PPFIA3: variants seen among roughly 807,000 people sequenced by gnomAD.
The protein encoded by PPFIA3 is PPFI scaffold protein A3, also known as liprin-alpha-3.
A neutral mutation model predicts 145.8 loss-of-function variants in PPFIA3; 26 were observed. The observed-to-expected ratio is 0.18, with a 90% CI of 0.13 to 0.25. The LOEUF is 0.25. Ranked by LOEUF, PPFIA3 falls within the 10% of genes least tolerant of loss-of-function variation. The pLI, the probability that PPFIA3 is intolerant of heterozygous loss-of-function variation, is 1.00. For synonymous variants in PPFIA3, 645 were observed against 661.4 expected, an observed-to-expected ratio of 0.98 and a Z score of 0.38; for missense variants, 1,008 against 1,587.8, an observed-to-expected ratio of 0.63 and a Z score of 6.21.
In PPFIA3 at chr19:49,138,418, C is replaced by T. The variant is rs757682114; in HGVS notation, c.2067C>T (p.Thr689=). Residue 689 remains threonine, a synonymous_variant, in exon 16 of 30, where the codon ACC becomes ACT. Transcript: ENST00000334186. ...CCCCTAGCCCTGCCCGTGAGGGCAC[C>T]GACAAGGCTGTGAGTGCTCTGAAGT... is the stretch of plus-strand genomic sequence containing the variant. ...LAPPSPAREG[T]DKANHVPKEE... 14 of 1,544,102 alleles carry T rather than the reference C, an allele frequency of 9.1e-6. No homozygotes were observed. In the East Asian group the frequency reaches 9.2e-5, roughly 10 times the overall value.
Position 49,130,269 on chromosome 19 carries a change from G to T in PPFIA3, c.658-109G>T, listed in dbSNP as rs2041052292. 2.4e-6 allele frequency: 3 copies of T among 1,244,682 alleles called. No individual in the cohort carries two copies. The South Asian group carries it at 4.5e-5, about 19-fold the overall frequency. The allele number at this position is 1,244,682 out of a possible 1,614,324, so 77.1% of individuals were successfully genotyped here. ...GACCCCCGTGGACTCTGACCAGCAT[G>T]ATCCTTATTGATCTTTGATCTACTT... On this transcript the variant is annotated intron_variant, in intron 6 of 29. Coordinates refer to ENST00000334186, the MANE Select transcript of PPFIA3 (RefSeq NM_003660.4). The surrounding 1 kb of genome is among the most constrained non-coding windows in gnomAD (Gnocchi z 4.5).
At position 49,149,456 on chromosome 19, in the gene PPFIA3, A is replaced by G. The variant is rs577834697; in HGVS notation, c.3355-91A>G. 200 of 1,585,100 alleles carry G rather than the reference A, an allele frequency of 1.3e-4. No individual in the cohort carries two copies. In the Middle Eastern group the frequency reaches 1.3e-3, roughly 11 times the overall value. On this transcript the variant is annotated intron_variant, in intron 27 of 29. Transcript: ENST00000334186. The surrounding 1 kb of genome is among the most constrained non-coding windows in gnomAD (Gnocchi z 5.7). ...CAGGAGAGGGGCGGGGTTAAAGGAG[A>G]GGTGAGACCCGGAGAGGGGTGGAGT...
chr19:49,139,409 A>C (rs192281703), intron 16 of PPFIA3, among the ~76,000 whole-genome samples: 3 of 151,618 alleles, frequency 2.0e-5, no homozygotes, highest in Non-Finnish European at 4.4e-5. Flanking sequence ...GAATCTCTTG[A>C]ACCTGGGAGG....
chr19:49,131,878 C>T (rs1426331672), intron 7 of PPFIA3, among the ~76,000 whole-genome samples: 2 of 151,780 alleles, frequency 1.3e-5, no homozygotes, highest in African/African-American at 4.8e-5. Context: ...GGCGTGATGT[C>T]GGGCGCCCGT....
At chr19:49,131,756 A>G (rs1212534861) in intron 7 of PPFIA3, among the ~76,000 whole-genome samples, 1 of 151,508 alleles carries the variant, frequency 6.6e-6, no homozygotes, top group Non-Finnish European at 1.5e-5. Flanking sequence ...CACGCCTGTA[A>G]TCCCAGCACT....
intron 21 of PPFIA3, chr19:49,145,555 T>G: frequency 3.8e-6 from 1 of 262,002 alleles, no homozygotes; most frequent in Non-Finnish European, 7.5e-6. Flanking sequence ...CTCGTGAGGT[T>G]GTTGGGAGCA....
In PPFIA3 at chr19:49,130,531, G is replaced by T; in HGVS notation, c.811G>T (p.Gly271Cys). 1 of 1,584,722 alleles carries T rather than the reference G, an allele frequency of 6.3e-7. No individual in the cohort carries two copies. Among genetic ancestry groups the T allele is most frequent in the Non-Finnish European group, 8.6e-7 (1 of 1,166,458 alleles). Residue 271 changes from glycine (G) to cysteine (C), a missense_variant, in exon 7 of 30, where the codon GGC becomes TGC. By Grantham distance (159) the Gly-to-Cys change is radical (BLOSUM62 -3). Around this residue, in one of 11 missense-constraint regions of PPFIA3, gnomAD observed 136 missense variants for 160.7 expected, o/e 0.85. Coordinates refer to ENST00000334186, the MANE Select transcript of PPFIA3 (RefSeq NM_003660.4). This position sits in a 1 kb window ranked among gnomAD's most constrained non-coding sequence, Gnocchi z 4.5. ...GATGAGCCAGCTGGAGGAGGAGTTG[G>T]GCACCGCGCACCGTGAGCTGGGCAA... The part of the protein sequence containing the change: ...RQMSQLEEEL[G>C]TAHRELGKAE...
chr19:49,147,960 G>A, intron 23 of PPFIA3, 123 bp from the exon 24 acceptor site: 2 of 966,586 alleles, frequency 2.1e-6, no homozygotes, highest in South Asian at 3.3e-5. Flanking sequence ...AGCAGAGATT[G>A]GTCATTGTCC....
intron 21 of PPFIA3, among the ~76,000 whole-genome samples, chr19:49,144,088 C>T (rs1437515911): frequency 1.3e-5 from 2 of 152,002 alleles, no homozygotes; most frequent in African/African-American, 4.8e-5. Context: ...TCACTGCAAC[C>T]TCTGCCTCCT....
chr19:49,148,945 T>G, intron 25 of PPFIA3, 48 bp from the exon 26 acceptor site: 1 of 1,600,674 alleles, frequency 6.2e-7, no homozygotes, highest in African/African-American at 1.3e-5. Context: ...TAAACTGAAC[T>G]CTCCAGGCCA....
chr19:49,127,852 C>T lies in PPFIA3; in HGVS notation c.-15-7C>T. ...CCGGTCTGTTCCTTGCCCTCCCCGC[C>T]CCGCAGGCCCGCACCGCCGCCATGA... On this transcript the variant is annotated splice_polypyrimidine_tract_variant and splice_region_variant and intron_variant, in intron 1 of 29. Transcript: ENST00000334186. 6.3e-7 allele frequency: 1 copy of T among 1,588,042 alleles called. No homozygotes were observed. The highest frequency in any genetic ancestry group is 8.5e-7 in the Non-Finnish European group (1 of 1,176,800).
rs10416430 is a variant in PPFIA3, at chr19:49,141,588, A to G, written c.2462+75A>G. ...TGTGTGAGGGTGTGTGTGTGCGTGT[A>G]TGTGTGTGTATGAGTGTGTGTGTGT... On this transcript the variant is annotated intron_variant, in intron 19 of 29. Transcript: ENST00000334186. 706 of 1,066,132 alleles carry G rather than the reference A, an allele frequency of 6.6e-4. 4 individuals carry two copies. Among genetic ancestry groups the G allele is most frequent in the African/African-American group, 5.7e-3 (241 of 42,166 alleles). 66.0% of individuals were successfully genotyped at this position (1,066,132 alleles called of 1,614,324 possible). A position where few individuals can be genotyped will look rare whatever the true frequency, so the allele number is the denominator to read the frequency against.
Position 49,149,118 on chromosome 19 carries a change from G to A in PPFIA3, c.3235G>A (p.Asp1079Asn). 1 of 1,614,122 alleles carries A rather than the reference G, an allele frequency of 6.2e-7. No homozygotes were observed. The highest frequency in any genetic ancestry group is 8.5e-7 in the Non-Finnish European group (1 of 1,180,026). The change falls in exon 26 of 30, where the codon GAC (aspartate) becomes AAC (asparagine). Residue 1079 changes from aspartate (D) to asparagine (N), a missense_variant. Around this residue, in one of 11 missense-constraint regions of PPFIA3, gnomAD observed 125 missense variants for 159.3 expected, o/e 0.78. Coordinates refer to ENST00000334186, the MANE Select transcript of PPFIA3 (RefSeq NM_003660.4). The surrounding 1 kb of genome is among the most constrained non-coding windows in gnomAD (Gnocchi z 5.7). ...ACTGCTCGCCCTGGACGAGACCTTC[G>A]ACTACTCCGACCTGGCCTTGCTCCT... is the stretch of plus-strand genomic sequence containing the variant. Reference protein sequence around the residue: ...GALLALDETFDYSDLALLLQI... With the variant: ...GALLALDETFNYSDLALLLQI...
At chr19:49,140,771 C>T (rs984102467) in intron 18 of PPFIA3, among the ~76,000 whole-genome samples, 1 of 150,120 alleles carries the variant, frequency 6.7e-6, no homozygotes, top group Non-Finnish European at 1.5e-5. Context: ...TCTCCTGCCT[C>T]AGCCTCCCCA....
rs1032418869 is a variant in PPFIA3, at chr19:49,145,819, C to G, written c.2746-124C>G. 4 of 817,716 alleles carry G rather than the reference C, an allele frequency of 4.9e-6. No individual in the cohort carries two copies. In the African/African-American group the frequency reaches 5.0e-5, roughly 10 times the overall value. The allele number at this position is 817,716 out of a possible 1,614,324, so 50.7% of individuals were successfully genotyped here. A position where few individuals can be genotyped will look rare whatever the true frequency, so the allele number is the denominator to read the frequency against. On this transcript the variant is annotated intron_variant, in intron 21 of 29. Transcript: ENST00000334186. ...TAAGAATCATTCCTTTTCTCTGTTA[C>G]TGCTTGCCCCAGAAAGCAGGAGGGA...
intron 25 of PPFIA3, 106 bp from the exon 26 acceptor site, chr19:49,148,887 C>A (rs1336135838): frequency 6.4e-7 from 1 of 1,555,930 alleles, no homozygotes; most frequent in Non-Finnish European, 8.8e-7. Flanking sequence ...GTGGAGCCAG[C>A]GTGGGGGGCG....
In PPFIA3 at chr19:49,149,467, G is replaced by A. The variant is rs904644619; in HGVS notation, c.3355-80G>A. The A allele has an allele frequency of 1.9e-6, 3 of 1,590,416 alleles. No individual in the cohort carries two copies. Among genetic ancestry groups the A allele is most frequent in the Non-Finnish European group, 2.6e-6 (3 of 1,161,626 alleles). On this transcript the variant is annotated intron_variant, in intron 27 of 29. Coordinates refer to ENST00000334186, the MANE Select transcript of PPFIA3 (RefSeq NM_003660.4). This position sits in a 1 kb window ranked among gnomAD's most constrained non-coding sequence, Gnocchi z 5.7. ...CGGGGTTAAAGGAGAGGTGAGACCC[G>A]GAGAGGGGTGGAGTCAAAGGAAGGG...
rs762152853 is a variant in PPFIA3 at position 49,150,141 on chromosome 19, C to G, written c.*3C>G. ...CGGTCCGGACCTATTCCTGCTAGTGCAGGCCTCCAGGTGAGGACCGTGCTG... is the reference window on the plus strand; with the variant it reads ...CGGTCCGGACCTATTCCTGCTAGTGGAGGCCTCCAGGTGAGGACCGTGCTG... On this transcript the variant is annotated 3_prime_UTR_variant, in exon 29 of 30. Transcript: ENST00000334186. The G allele has an allele frequency of 7.5e-6, 12 of 1,608,222 alleles. No individual in the cohort carries two copies. In the South Asian group the frequency reaches 1.3e-4, roughly 18 times the overall value.
chr19:49,126,102 C>T (rs2040995017), intron 1 of PPFIA3, among the ~76,000 whole-genome samples: 2 of 151,898 alleles, frequency 1.3e-5, no homozygotes, highest in South Asian at 4.2e-4. Flanking sequence ...AGGTGCGTGC[C>T]ACCACGCAAG....
Sources: gnomAD v4.1 joint callset for allele counts (sites outside exome capture counted in the v4.1 genomes callset) on GRCh38, gnomAD v4.1.1 for gene constraint, gnomAD v4.1.1 regional missense constraint, Gnocchi (gnomAD v3.1) non-coding constraint, MANE v1.5 for transcripts, NCBI Gene and HGNC (gene_info 2026-07-23, HGNC 2026-07-21) for gene names.